The following DMXL2 variants were observed in gnomAD, a reference collection of about 807,000 sequenced individuals.
The protein encoded by DMXL2 is dmX-like protein 2.
Under a neutral mutation model 331.1 loss-of-function variants are expected in DMXL2, and 103 were observed. The observed-to-expected ratio is 0.31, with a 90% CI of 0.27 to 0.37. The LOEUF is 0.37. Among genes scored for constraint, DMXL2 ranks in the 10% least tolerant of loss-of-function variants. DMXL2 has a pLI of 1.00. For missense variants in DMXL2, 3,171 were observed against 3,642.9 expected (o/e 0.87, Z 3.33); for synonymous variants, 1,281 against 1,252.1 (o/e 1.02, Z -0.49).
At chr15:51,456,266 T>C (rs1417038763) in intron 38 of DMXL2, 43 bp downstream of exon 38, 9 of 1,596,262 alleles carry the variant, frequency 5.6e-6, no homozygotes, top group Non-Finnish European at 7.7e-6. Context: ...TAAATCAACC[T>C]CCAAATGAGG....
chr15:51,522,222 C>T (rs147926452), intron 13 of DMXL2, among the ~76,000 whole-genome samples: 10 of 152,330 alleles, frequency 6.6e-5, no homozygotes, highest in African/African-American at 1.9e-4. Context: ...GACTGACAGT[C>T]ATATTTATGA....
intron 1 of DMXL2, among the ~76,000 whole-genome samples, chr15:51,607,019 A>G (rs1340436063): frequency 6.6e-6 from 1 of 152,198 alleles, no homozygotes; most frequent in Admixed American, 6.5e-5. Context: ...TTAGCTAGGC[A>G]TGGTGATGGA....
In DMXL2 at chr15:51,481,470, A is replaced by T; in HGVS notation, c.5636T>A (p.Leu1879His). ...GGTAAAGAATAATTTTCTTTCTATG[A>T]GGTTAATTTTATCAACAAAGTTCTT... is the stretch of plus-strand genomic sequence containing the variant. ...TEKNFVDKIN[L>H]IERKLFFTTA... Residue 1879 changes from leucine to histidine, a missense_variant, in exon 24 of 44, where the codon CTC becomes CAC. Leu to His is a moderately conservative substitution (Grantham distance 99, BLOSUM62 -3). Around this residue, in one of 7 missense-constraint regions of DMXL2, gnomAD observed 244 missense variants for 251.4 expected, o/e 0.97. Coordinates refer to ENST00000560891, the MANE Select transcript of DMXL2 (RefSeq NM_001378457.1). 1 of 1,613,246 alleles carries T rather than the reference A, an allele frequency of 6.2e-7. No homozygotes were observed. Among genetic ancestry groups the T allele is most frequent in the Admixed American group, 1.7e-5 (1 of 59,736 alleles).
At chr15:51,585,888 A>T (rs2141201315) in intron 1 of DMXL2, among the ~76,000 whole-genome samples, 1 of 152,248 alleles carries the variant, frequency 6.6e-6, no homozygotes, top group South Asian at 2.1e-4. Context: ...TCACACCTAC[A>T]AACAAACCCT....
At chr15:51,475,115 C>A (rs1008361299) in intron 27 of DMXL2, among the ~76,000 whole-genome samples, 1 of 152,160 alleles carries the variant, frequency 6.6e-6, no homozygotes, top group Non-Finnish European at 1.5e-5. Context: ...ACATCATATG[C>A]CTCTTGATAT....
At chr15:51,501,850 G>A (rs1199512698) in intron 17 of DMXL2, among the ~76,000 whole-genome samples, 1 of 150,984 alleles carries the variant, frequency 6.6e-6, no homozygotes, top group Non-Finnish European at 1.5e-5. Context: ...AACCTGGGAG[G>A]CGAAGCTTGC....
rs767955309 is a variant in DMXL2, at chr15:51,507,165, G to A, written c.2733C>T (p.His911=). Reference sequence around the variant, plus strand: ...ATGCTTGTACAGATTTAAGATGAAGGTGCCACATATGCAGAATAGAGTTAT... The same window carrying A: ...ATGCTTGTACAGATTTAAGATGAAGATGCCACATATGCAGAATAGAGTTAT... The part of the protein sequence containing the change: ...SNNNSILHMW[H]LHLKSVQACL... The change falls in exon 16 of 44, where the codon CAC becomes CAT. Residue 911 remains histidine, a synonymous_variant. Coordinates refer to ENST00000560891, the MANE Select transcript of DMXL2 (RefSeq NM_001378457.1). 1 of 1,609,264 alleles carries A rather than the reference G, an allele frequency of 6.2e-7. No homozygotes were observed. The highest frequency in any genetic ancestry group is 8.5e-7 in the Non-Finnish European group (1 of 1,177,406).
intron 41 of DMXL2, 46 bp downstream of exon 41, chr15:51,453,484 ATTCTTGCTAAAGGTATGGAT>A (rs2039341774): frequency 8.2e-7 from 1 of 1,220,842 alleles, no homozygotes. Flanking sequence ...ATAGAAAAGT[ATTCTTGCTAAAGGTATGGAT>A]TTCTAACGTT....
At chr15:51,622,058 G>A (rs1262785616) in intron 1 of DMXL2, among the ~76,000 whole-genome samples, 1 of 150,830 alleles carries the variant, frequency 6.6e-6, no homozygotes, top group Admixed American at 6.6e-5. Context: ...TCACCTCCAC[G>A]CTCCGAGACC....
At chr15:51,550,982 C>T (rs938076840) in intron 6 of DMXL2, among the ~76,000 whole-genome samples, 3 of 152,054 alleles carry the variant, frequency 2.0e-5, no homozygotes, top group Non-Finnish European at 2.9e-5. Flanking sequence ...AGTCTCACAA[C>T]ACCTGAAATA....
chr15:51,509,860 G>A lies in DMXL2; in HGVS notation c.2645-2607C>T, dbSNP rs556590021. ...GCACATCAAAAAGCTTATCCACCAC[G>A]ATCAAGTCGGCTTCATCCCTGGGAT... On this transcript the variant is annotated intron_variant, in intron 15 of 43. Coordinates refer to ENST00000560891, the MANE Select transcript of DMXL2 (RefSeq NM_001378457.1). Among the ~76,000 whole-genome samples the A allele has an allele frequency of 8.5e-5, 13 of 152,246 alleles. No individual in the cohort carries two copies. In the South Asian group the frequency reaches 1.0e-3, roughly 12 times the overall value.
At position 51,486,098 on chromosome 15, in the gene DMXL2, T is replaced by C. The variant is rs1412736078; in HGVS notation, c.5457A>G (p.Thr1819=). 2 of 1,610,816 alleles carry C rather than the reference T, an allele frequency of 1.2e-6. No homozygotes were observed. The highest frequency in any genetic ancestry group is 3.3e-5 in the Admixed American group (2 of 59,868). ...CTTGATGTTCATCATCCTCCTTTGG[T>C]GTTTGTTCCAGTAATGTGTCCAAGG... ...TRALDTLLEQ[T]PKEDDEHQVI... Residue 1819 remains threonine, a synonymous_variant, in exon 23 of 44, where the codon ACA becomes ACG. Coordinates refer to ENST00000560891, the MANE Select transcript of DMXL2 (RefSeq NM_001378457.1).
intron 1 of DMXL2, among the ~76,000 whole-genome samples, chr15:51,599,837 T>C (rs567547016): frequency 6.2e-4 from 94 of 152,276 alleles, no homozygotes; most frequent in African/African-American, 2.2e-3. Flanking sequence ...GTAGCTGGGA[T>C]TACAGGCACG....
At chr15:51,590,999 G>C in intron 1 of DMXL2, among the ~76,000 whole-genome samples, 1 of 152,344 alleles carries the variant, frequency 6.6e-6, no homozygotes, top group East Asian at 1.9e-4. Flanking sequence ...ACAGCTCCCA[G>C]AGTGAGCGAC....
At chr15:51,566,220 A>ATG (rs202165084) in intron 3 of DMXL2, among the ~76,000 whole-genome samples, 2 of 143,640 alleles carry the variant, frequency 1.4e-5, no homozygotes, top group African/African-American at 5.3e-5. Context: ...TCTAAAAAAA[A>ATG]TGTGTGTGTG....
chr15:51,556,377 A>G (rs1029742765), intron 6 of DMXL2, among the ~76,000 whole-genome samples: 7 of 148,112 alleles, frequency 4.7e-5, no homozygotes, highest in Non-Finnish European at 7.5e-5. Flanking sequence ...AAAAAAGATC[A>G]GCAGATCAAA....
In DMXL2 at chr15:51,495,004, TCAAA is replaced by T. The variant is rs2043073992; in HGVS notation, c.4783+16_4783+19del. On this transcript the variant is annotated intron_variant, in intron 19 of 43. Coordinates refer to ENST00000560891, the MANE Select transcript of DMXL2 (RefSeq NM_001378457.1). ...TATTAAGTAAAAGTTGTGCAAAGCT[TCAAA>T]CAGTGAGTGAATTACCTTGATGAAG... The T allele has an allele frequency of 3.8e-6, 6 of 1,577,990 alleles. No individual in the cohort carries two copies. The highest frequency in any genetic ancestry group is 1.4e-5 in the African/African-American group (1 of 74,040).
rs1407096862 is a variant in DMXL2 at position 51,499,149 on chromosome 15, C to G, written c.4075G>C (p.Gly1359Arg). Residue 1359 changes from glycine (G) to arginine (R), a missense_variant, in exon 18 of 44, where the codon GGG becomes CGG. Around this residue, in one of 7 missense-constraint regions of DMXL2, gnomAD observed 1,674 missense variants for 1,780.2 expected, o/e 0.94. Coordinates refer to ENST00000560891, the MANE Select transcript of DMXL2 (RefSeq NM_001378457.1). ...PTQLLELMDL[G>R]KVRRAKAILS... is the part of the protein sequence containing the mutation. ...ATGGCTTTAGCCCTTCGCACTTTCCCTAAATCCATCAATTCTAACAGCTGA... is the reference window on the plus strand; with the variant it reads ...ATGGCTTTAGCCCTTCGCACTTTCCGTAAATCCATCAATTCTAACAGCTGA... 6.2e-7 allele frequency: 1 copy of G among 1,614,038 alleles called. No individual in the cohort carries two copies. Among genetic ancestry groups the G allele is most frequent in the South Asian group, 1.1e-5 (1 of 91,058 alleles).
chr15:51,609,184 A>T (rs2053790855), intron 1 of DMXL2, among the ~76,000 whole-genome samples: 1 of 152,272 alleles, frequency 6.6e-6, no homozygotes, highest in African/African-American at 2.4e-5. Flanking sequence ...GAAAAAACTG[A>T]ATGAAAAAAT....
Sources: gnomAD v4.1 joint callset for allele counts (sites outside exome capture counted in the v4.1 genomes callset) on GRCh38, gnomAD v4.1.1 for gene constraint, gnomAD v4.1.1 regional missense constraint, MANE v1.5 for transcripts, NCBI Gene and HGNC (gene_info 2026-07-23, HGNC 2026-07-21) for gene names.